The following VPS13B variants were observed in gnomAD, a reference collection of about 807,000 sequenced individuals.
VPS13B encodes the protein intermembrane lipid transfer protein VPS13B.
Under a neutral mutation model 426.4 loss-of-function variants are expected in VPS13B, and 285 were observed. The ratio of observed to expected loss-of-function variants is 0.67; its 90% CI spans 0.61 to 0.74. The LOEUF (loss-of-function observed/expected upper bound fraction) is 0.74. Among genes scored for constraint, VPS13B ranks in the 30% least tolerant of loss-of-function variants. The pLI is 0.00. For missense variants in VPS13B, 4,537 were observed against 4,782.6 expected, an observed-to-expected ratio of 0.95 and a Z score of 1.51; for synonymous variants, 1,676 against 1,676.4, an observed-to-expected ratio of 1.00 and a Z score of 0.01.
chr8:99,805,405 A>G (rs908355684), intron 43 of VPS13B, among the ~76,000 whole-genome samples: 1 of 152,252 alleles, frequency 6.6e-6, no homozygotes, highest in Admixed American at 6.5e-5. Context: ...GCAGTTTAAC[A>G]TTTTTTATTT....
chr8:99,204,437 A>C (rs1814557048), intron 17 of VPS13B, among the ~76,000 whole-genome samples: 1 of 152,246 alleles, frequency 6.6e-6, no homozygotes, highest in African/African-American at 2.4e-5. Context: ...ACCATTCAGG[A>C]CATAGGCACA....
Position 99,819,982 on chromosome 8 carries a change from T to G in VPS13B, c.8854T>G (p.Tyr2952Asp). ...MRVKLSIWKP[Y>D]VRTLLIELLP... Reference sequence around the variant, plus strand: ...AGTGAAGCTGTCAATCTGGAAGCCATATGTTAGAACTTTGTTGATAGAACT... The same window carrying G: ...AGTGAAGCTGTCAATCTGGAAGCCAGATGTTAGAACTTTGTTGATAGAACT... Residue 2952 changes from tyrosine to aspartate, a missense_variant, in exon 49 of 62, where the codon TAT becomes GAT. Coordinates refer to ENST00000357162, the MANE Select transcript of VPS13B (RefSeq NM_152564.5). The G allele has an allele frequency of 1.2e-6, 2 of 1,614,046 alleles. No individual in the cohort carries two copies. Among genetic ancestry groups the G allele is most frequent in the Non-Finnish European group, 1.7e-6 (2 of 1,179,918 alleles).
chr8:99,239,957 A>G (rs1816834551), intron 17 of VPS13B, among the ~76,000 whole-genome samples: 1 of 152,172 alleles, frequency 6.6e-6, no homozygotes, highest in Admixed American at 6.5e-5. Context: ...GGCTTCATGT[A>G]GAGGGGTAGG....
Position 99,556,545 on chromosome 8 carries a change from C to A in VPS13B, c.4841C>A (p.Ala1614Glu), listed in dbSNP as rs1002672196. The part of the protein sequence containing the change: ...IDLQSINIGT[A>E]QWHQLKPEKE... ...CTGCAGTCCATCAATATTGGTACTG[C>A]ACAGTGGCATCAACTAAAACCAGAG... The change falls in exon 31 of 62, where the codon GCA (alanine) becomes GAA (glutamate). Residue 1614 changes from alanine (A) to glutamate (E), a missense_variant. By Grantham distance (107) the Ala-to-Glu change is moderately radical. Transcript: ENST00000357162. 5 of 1,613,118 alleles carry A rather than the reference C, an allele frequency of 3.1e-6. No individual in the cohort carries two copies. The highest frequency in any genetic ancestry group is 3.4e-6 in the Non-Finnish European group (4 of 1,179,566).
chr8:99,183,254 C>T (rs940830758), intron 16 of VPS13B, among the ~76,000 whole-genome samples: 13 of 152,176 alleles, frequency 8.5e-5, no homozygotes, highest in Admixed American at 2.6e-4. Context: ...TAGGTTGAGA[C>T]ATTATGCCCC....
chr8:99,169,619 T>G (rs978294017), intron 15 of VPS13B, among the ~76,000 whole-genome samples: 6 of 146,842 alleles, frequency 4.1e-5, no homozygotes, highest in Non-Finnish European at 7.5e-5. Flanking sequence ...TAAACAGTTT[T>G]TCTTGTAGTT....
Position 99,877,378 on chromosome 8 carries a change from TTGATA to T in VPS13B, c.*1716_*1720del, listed in dbSNP as rs1817742239. On this transcript the variant is annotated 3_prime_UTR_variant, in exon 62 of 62. Transcript: ENST00000357162. ...GTATCTTTTATGGTAATTTTGCATA[TTGATA>T]TGAATTATATAAAATTGTTTAAAAT... is the stretch of plus-strand genomic sequence containing the variant. 6.5e-6 allele frequency: 1 copy of T among 152,772 alleles called. No homozygotes were observed. The highest frequency in any genetic ancestry group is 2.4e-5 in the African/African-American group (1 of 41,588). The allele number at this position is 152,772 out of a possible 1,614,324, so 9.5% of individuals were successfully genotyped here. A position where few individuals can be genotyped will look rare whatever the true frequency, so the allele number is the denominator to read the frequency against.
At chr8:99,463,429 T>C (rs1818940120) in intron 23 of VPS13B, among the ~76,000 whole-genome samples, 1 of 152,120 alleles carries the variant, frequency 6.6e-6, no homozygotes, top group Non-Finnish European at 1.5e-5. Flanking sequence ...CTTAATACTA[T>C]TATCATTATT....
At chr8:99,095,950 C>G (rs1173927939) in intron 3 of VPS13B, among the ~76,000 whole-genome samples, 2 of 152,090 alleles carry the variant, frequency 1.3e-5, no homozygotes, top group African/African-American at 2.4e-5. Context: ...AAATTAAGAA[C>G]CTTTTTATTT....
intron 29 of VPS13B, among the ~76,000 whole-genome samples, chr8:99,513,695 T>C (rs1005900538): frequency 3.9e-5 from 6 of 152,348 alleles, no homozygotes; most frequent in Middle Eastern, 3.4e-3. Context: ...CCACAAAATA[T>C]CAATTTCAGT....
chr8:99,705,651 T>A (rs560497552), intron 36 of VPS13B, among the ~76,000 whole-genome samples: 1 of 152,320 alleles, frequency 6.6e-6, no homozygotes, highest in East Asian at 1.9e-4. Flanking sequence ...AATACAGTAT[T>A]CTACATCTTT....
At chr8:99,179,459 T>C (rs1812825769) in intron 16 of VPS13B, among the ~76,000 whole-genome samples, 1 of 152,164 alleles carries the variant, frequency 6.6e-6, no homozygotes, top group Admixed American at 6.5e-5. Flanking sequence ...CCCCTCCTTC[T>C]TGCTTTTAAA....
intron 21 of VPS13B, among the ~76,000 whole-genome samples, chr8:99,428,599 A>T (rs1816878752): frequency 6.6e-6 from 1 of 152,228 alleles, no homozygotes; most frequent in Non-Finnish European, 1.5e-5. Context: ...ATCTCACACC[A>T]GTTAGAATGG....
At chr8:99,070,460 A>C (rs192345960) in intron 3 of VPS13B, among the ~76,000 whole-genome samples, 160 of 152,338 alleles carry the variant, frequency 1.1e-3, no homozygotes, top group African/African-American at 3.7e-3. Flanking sequence ...ATACTTATTG[A>C]AATTAACTAC....
Position 99,624,007 on chromosome 8 carries a change from A to ATATATATATATT in VPS13B, c.5221-17803_5221-17802insATATATATATTT, listed in dbSNP as rs1206203704. On this transcript the variant is annotated intron_variant, in intron 33 of 61. Coordinates refer to ENST00000357162, the MANE Select transcript of VPS13B (RefSeq NM_152564.5). ...CTATGAAACATACATATATATATAT[A>ATATATATATATT]TTTTTTTTTTTTTTTTTTTTTTTTT... Among the ~76,000 whole-genome samples, 48 of 101,100 alleles carry ATATATATATATT rather than the reference A, an allele frequency of 4.7e-4. 2 individuals are homozygous for ATATATATATATT. The highest frequency in any genetic ancestry group is 2.1e-3 in the African/African-American group (48 of 22,774). The allele number at this position is 101,100 out of a possible 152,430, so 66.3% of individuals were successfully genotyped here.
At chr8:99,618,241 T>A (rs1472723634) in intron 33 of VPS13B, among the ~76,000 whole-genome samples, 1 of 151,210 alleles carries the variant, frequency 6.6e-6, no homozygotes, top group African/African-American at 2.4e-5. Flanking sequence ...AAATGTACTA[T>A]TAATGTATTT....
intron 33 of VPS13B, among the ~76,000 whole-genome samples, chr8:99,629,188 A>G (rs968181376): frequency 6.6e-6 from 1 of 152,204 alleles, no homozygotes; most frequent in Admixed American, 6.5e-5. Flanking sequence ...GTTGATGTAC[A>G]TGGTGCACAT....
chr8:99,848,171 C>CT lies in VPS13B; in HGVS notation c.9943-599dup, dbSNP rs751545176. Among the ~76,000 whole-genome samples the CT allele has an allele frequency of 2.6e-5, 4 of 152,258 alleles. No individual in the cohort carries two copies. In the East Asian group the frequency reaches 7.7e-4, roughly 29 times the overall value. ...CTGGCACCTGGATCCTGAGGTAGAG[C>CT]TTTTTTCTAGGTCTTAGTCCATATT... is the stretch of plus-strand genomic sequence containing the variant. On this transcript the variant is annotated intron_variant, in intron 54 of 61. Coordinates refer to ENST00000357162, the MANE Select transcript of VPS13B (RefSeq NM_152564.5).
At chr8:99,050,254 A>T (rs1287637604) in intron 3 of VPS13B, among the ~76,000 whole-genome samples, 1 of 151,556 alleles carries the variant, frequency 6.6e-6, no homozygotes, top group African/African-American at 2.4e-5. Context: ...CTCATTGTTC[A>T]ATTCCCACCT....
Sources: allele counts gnomAD v4.1 joint callset (sites outside exome capture counted in the v4.1 genomes callset), GRCh38; gene constraint gnomAD v4.1.1; transcripts MANE v1.5; gene names NCBI Gene and HGNC (gene_info 2026-07-23, HGNC 2026-07-21).